CNTN6: variants seen among roughly 807,000 people sequenced by gnomAD.
The protein encoded by CNTN6 is contactin 6.
Under a neutral mutation model 122.8 loss-of-function variants are expected in CNTN6, and 137 were observed. The observed-to-expected ratio is 1.12, with a 90% CI of 0.97 to 1.29. CNTN6 has a LOEUF of 1.29. Ranked by LOEUF, CNTN6 falls within the 50% of genes most tolerant of loss-of-function variation. The pLI is 0.00. For missense variants in CNTN6, 1,634 were observed against 1,223.4 expected (o/e 1.34, Z -5.01); for synonymous variants, 570 against 426.0 (o/e 1.34, Z -4.16).
At chr3:1,232,015 T>C (rs1357949715) in intron 4 of CNTN6, among the ~76,000 whole-genome samples, 2 of 152,244 alleles carry the variant, frequency 1.3e-5, no homozygotes, top group Non-Finnish European at 2.9e-5. Flanking sequence ...TGAATTACTC[T>C]GTACTTGTGT....
chr3:1,166,804 T>C (rs891427447), intron 2 of CNTN6, among the ~76,000 whole-genome samples: 4 of 152,128 alleles, frequency 2.6e-5, no homozygotes, highest in South Asian at 2.1e-4. Flanking sequence ...AAACACTGCA[T>C]GTTCTCACTC....
At chr3:1,388,235 C>T (rs1258029048) in intron 20 of CNTN6, among the ~76,000 whole-genome samples, 1 of 149,396 alleles carries the variant, frequency 6.7e-6, no homozygotes, top group Non-Finnish European at 1.5e-5. Context: ...ACACTGCCTC[C>T]TCAAGTGGGT....
chr3:1,165,872 C>T (rs1280582527), intron 2 of CNTN6, among the ~76,000 whole-genome samples: 1 of 152,192 alleles, frequency 6.6e-6, no homozygotes, highest in Non-Finnish European at 1.5e-5. Flanking sequence ...TCTTCGAGCA[C>T]TCCCCATTTC....
intron 2 of CNTN6, among the ~76,000 whole-genome samples, chr3:1,163,622 T>C (rs1431858355): frequency 6.6e-6 from 1 of 152,200 alleles, no homozygotes; most frequent in African/African-American, 2.4e-5. Context: ...TTTGCTATGC[T>C]GCCCAGGATG....
chr3:1,116,698 C>CTT (rs10594022), intron 1 of CNTN6, among the ~76,000 whole-genome samples: 30 of 71,760 alleles, frequency 4.2e-4, no homozygotes, highest in Non-Finnish European at 5.1e-4. Flanking sequence ...GTCATCAAAT[C>CTT]TTTTTTTTTT....
chr3:1,316,402 A>C (rs1439200729), intron 7 of CNTN6, among the ~76,000 whole-genome samples: 1 of 151,574 alleles, frequency 6.6e-6, no homozygotes, highest in Non-Finnish European at 1.5e-5. Context: ...GAGCAGAAGG[A>C]AGAGAGAGAG....
intron 7 of CNTN6, among the ~76,000 whole-genome samples, chr3:1,306,620 A>G (rs1051328319): frequency 6.6e-6 from 1 of 150,694 alleles, no homozygotes; most frequent in Non-Finnish European, 1.5e-5. Flanking sequence ...CAGTTTTCTT[A>G]TCTGTATAAG....
chr3:1,373,902 C>T (rs749646419), intron 15 of CNTN6, 22 bp from the exon 16 acceptor site: 3 of 1,599,068 alleles, frequency 1.9e-6, no homozygotes, highest in South Asian at 1.1e-5. Context: ...ACCTAGGTGC[C>T]TTAGTGTCTC....
intron 1 of CNTN6, among the ~76,000 whole-genome samples, chr3:1,128,579 A>T (rs775326728): frequency 1.8e-4 from 27 of 152,016 alleles, no homozygotes; most frequent in Non-Finnish European, 2.9e-4. Flanking sequence ...TAAATCAACG[A>T]TTATCTAGAG....
intron 5 of CNTN6, among the ~76,000 whole-genome samples, chr3:1,283,141 T>C (rs1390672921): frequency 6.6e-6 from 1 of 152,114 alleles, no homozygotes; most frequent in Non-Finnish European, 1.5e-5. Flanking sequence ...CCCAGCTAAT[T>C]TTTTATATTT....
chr3:1,267,970 G>C (rs1168517930), intron 4 of CNTN6, among the ~76,000 whole-genome samples: 1 of 151,828 alleles, frequency 6.6e-6, no homozygotes, highest in Non-Finnish European at 1.5e-5. Flanking sequence ...TGAAGATTTG[G>C]CCTTTTCTGG....
intron 20 of CNTN6, among the ~76,000 whole-genome samples, chr3:1,391,621 G>C (rs1694159419): frequency 6.6e-6 from 1 of 151,380 alleles, no homozygotes; most frequent in Admixed American, 6.6e-5. Context: ...AATTGTCCCT[G>C]TTTGCAGATG....
intron 4 of CNTN6, among the ~76,000 whole-genome samples, chr3:1,266,785 G>T (rs1280706412): frequency 1.3e-5 from 2 of 151,994 alleles, no homozygotes; most frequent in Admixed American, 6.5e-5. Flanking sequence ...TCAAGAGGGA[G>T]CTATAAATGC....
At chr3:1,390,612 A>T (rs2126220773) in intron 20 of CNTN6, among the ~76,000 whole-genome samples, 1 of 152,324 alleles carries the variant, frequency 6.6e-6, no homozygotes, top group East Asian at 1.9e-4. Flanking sequence ...AAAATTAATG[A>T]ATCCAGGAGC....
intron 20 of CNTN6, among the ~76,000 whole-genome samples, chr3:1,394,874 A>G (rs1446583927): frequency 6.6e-6 from 1 of 152,220 alleles, no homozygotes; most frequent in East Asian, 1.9e-4. Flanking sequence ...TTTCGAAAAC[A>G]GTTAAATTAA....
chr3:1,373,896 A>G (rs1390608079), intron 15 of CNTN6, 28 bp from the exon 16 acceptor site: 1 of 1,593,314 alleles, frequency 6.3e-7, no homozygotes, highest in Non-Finnish European at 8.6e-7. Flanking sequence ...GTCCCAACCT[A>G]GGTGCCTTAG....
chr3:1,113,553 G>A (rs1304253907), intron 1 of CNTN6, among the ~76,000 whole-genome samples: 3 of 152,088 alleles, frequency 2.0e-5, no homozygotes, highest in Non-Finnish European at 4.4e-5. Flanking sequence ...GAAAGATAAA[G>A]TCATCAAAAG....
chr3:1,111,402 A>G (rs1422722747), intron 1 of CNTN6, among the ~76,000 whole-genome samples: 2 of 152,232 alleles, frequency 1.3e-5, no homozygotes, highest in Admixed American at 1.3e-4. Context: ...ATGTGGTATC[A>G]TTCCCCATCT....
At chr3:1,206,463 G>C (rs993454382) in intron 2 of CNTN6, among the ~76,000 whole-genome samples, 1 of 152,084 alleles carries the variant, frequency 6.6e-6, no homozygotes, top group Non-Finnish European at 1.5e-5. Context: ...GTCACCACCA[G>C]GGTGTCACTC....
Sources: allele counts gnomAD v4.1 joint callset (sites outside exome capture counted in the v4.1 genomes callset), GRCh38; gene constraint gnomAD v4.1.1; transcripts MANE v1.5; gene names NCBI Gene and HGNC (gene_info 2026-07-23, HGNC 2026-07-21).